SGCZ: variants seen among roughly 807,000 people sequenced by gnomAD.
SGCZ encodes the protein zeta-sarcoglycan.
In SGCZ, 40 loss-of-function variants were observed where a neutral mutation model predicts 41.3. The observed-to-expected ratio is 0.97, with a 90% CI of 0.75 to 1.26. SGCZ has a LOEUF of 1.26. Among genes scored for constraint, SGCZ ranks in the 50% most tolerant of loss-of-function variants. The probability of loss-of-function intolerance (pLI) is 0.00; values close to 1 mark genes in which losing one functional copy is unlikely to be tolerated. For missense variants in SGCZ, 552 were observed against 369.8 expected, an observed-to-expected ratio of 1.49 and a Z score of -4.04; for synonymous variants, 206 against 137.5, an observed-to-expected ratio of 1.50 and a Z score of -3.49.
intron 3 of SGCZ, among the ~76,000 whole-genome samples, chr8:14,290,114 T>G (rs1378664500): frequency 6.6e-6 from 1 of 151,962 alleles, no homozygotes; most frequent in Non-Finnish European, 1.5e-5. Context: ...TGAGATGAGG[T>G]TTGGGTGGTG....
chr8:14,888,440 T>C (rs1804892096), intron 1 of SGCZ, among the ~76,000 whole-genome samples: 1 of 152,048 alleles, frequency 6.6e-6, no homozygotes, highest in Admixed American at 6.5e-5. Flanking sequence ...AATTGCCTGA[T>C]CAAAGCAATG....
At chr8:14,311,071 T>C (rs762841995) in intron 3 of SGCZ, among the ~76,000 whole-genome samples, 6 of 152,154 alleles carry the variant, frequency 3.9e-5, no homozygotes, top group Non-Finnish European at 8.8e-5. Context: ...ATGTCTTTTA[T>C]AAATAATTTT....
chr8:14,971,075 G>T (rs533325602), intron 1 of SGCZ, among the ~76,000 whole-genome samples: 4 of 151,816 alleles, frequency 2.6e-5, no homozygotes, highest in African/African-American at 9.7e-5. Context: ...TCAATTGCTT[G>T]TTGCTAGTTT....
chr8:14,530,914 G>A (rs1042216282), intron 2 of SGCZ, among the ~76,000 whole-genome samples: 1 of 152,036 alleles, frequency 6.6e-6, no homozygotes, highest in Non-Finnish European at 1.5e-5. Context: ...TAATAGGTAA[G>A]TGAGGCTCTA....
chr8:14,263,937 A>G (rs1018306141), intron 3 of SGCZ, among the ~76,000 whole-genome samples: 1 of 152,216 alleles, frequency 6.6e-6, no homozygotes, highest in Non-Finnish European at 1.5e-5. Flanking sequence ...GGTGAAACCC[A>G]GCATGAAGCC....
intron 2 of SGCZ, among the ~76,000 whole-genome samples, chr8:14,417,550 T>G (rs915616458): frequency 6.6e-6 from 1 of 151,896 alleles, no homozygotes; most frequent in African/African-American, 2.4e-5. Context: ...TAATCATTAT[T>G]TCCCCCCCTT....
chr8:15,205,664 G>T (rs2117145563), intron 1 of SGCZ, among the ~76,000 whole-genome samples: 1 of 152,158 alleles, frequency 6.6e-6, no homozygotes, highest in African/African-American at 2.4e-5. Flanking sequence ...ACTGTTGGTG[G>T]GAATGTAAAT....
chr8:14,309,040 C>T, intron 3 of SGCZ: 7 of 1,289,172 alleles, frequency 5.4e-6, no homozygotes, highest in East Asian at 2.3e-5. Flanking sequence ...AACCGGAAGC[C>T]TCCCCTACTC....
At chr8:14,183,285 C>T (rs1804789802) in intron 4 of SGCZ, among the ~76,000 whole-genome samples, 1 of 104,170 alleles carries the variant, frequency 9.6e-6, no homozygotes, top group Non-Finnish European at 2.0e-5. Context: ...AAAATTTTTA[C>T]ATGTACACAC....
In SGCZ at chr8:14,318,480, C is replaced by A. The variant is rs146339348; in HGVS notation, c.336+5623G>T. On this transcript the variant is annotated intron_variant, in intron 3 of 7. Transcript: ENST00000382080. ...CCATGAATCCCTACCCAAACCTAAC[C>A]CATATCTCCAGAAACATATTAATGA... Among the ~76,000 whole-genome samples the A allele has an allele frequency of 1.3e-3, 197 of 152,002 alleles. 1 individual carries two copies. Among genetic ancestry groups the A allele is most frequent in the African/African-American group, 4.6e-3 (192 of 41,516 alleles).
intron 1 of SGCZ, among the ~76,000 whole-genome samples, chr8:14,937,350 T>G (rs1253236757): frequency 6.6e-6 from 1 of 152,072 alleles, no homozygotes. Context: ...AAAACTGAAT[T>G]CTTATGAACA....
intron 1 of SGCZ, among the ~76,000 whole-genome samples, chr8:14,797,888 T>C (rs1214340349): frequency 6.6e-6 from 1 of 152,228 alleles, no homozygotes; most frequent in East Asian, 1.9e-4. Flanking sequence ...CCCCAAGCCT[T>C]GGCAGTTTAC....
At chr8:14,309,127 T>G (rs1032268951) in intron 3 of SGCZ, 1 of 1,465,390 alleles carries the variant, frequency 6.8e-7, no homozygotes, top group African/African-American at 1.4e-5. Context: ...ATATTAAACA[T>G]CCCCTACAGA....
intron 2 of SGCZ, among the ~76,000 whole-genome samples, chr8:14,428,547 A>G (rs950031488): frequency 6.6e-6 from 1 of 152,364 alleles, no homozygotes; most frequent in African/African-American, 2.4e-5. Context: ...GGTTATGACC[A>G]TCATATCATT....
At chr8:14,579,510 T>C (rs1320017218) in intron 1 of SGCZ, among the ~76,000 whole-genome samples, 2 of 152,236 alleles carry the variant, frequency 1.3e-5, no homozygotes, top group African/African-American at 4.8e-5. Context: ...ATGACTTCCC[T>C]GATTCTTTAC....
At chr8:14,268,192 G>T (rs565333718) in intron 3 of SGCZ, among the ~76,000 whole-genome samples, 1 of 148,964 alleles carries the variant, frequency 6.7e-6, no homozygotes, top group Admixed American at 6.7e-5. Context: ...CTGGGAATAC[G>T]GTAGACTATA....
At chr8:14,516,703 C>T (rs1802631914) in intron 2 of SGCZ, among the ~76,000 whole-genome samples, 1 of 151,968 alleles carries the variant, frequency 6.6e-6, no homozygotes, top group South Asian at 2.1e-4. Flanking sequence ...GTGAGTTTTT[C>T]TTGTTCACCG....
intron 4 of SGCZ, among the ~76,000 whole-genome samples, chr8:14,177,675 A>ATTTTT (rs1193141913): frequency 1.5e-4 from 17 of 111,322 alleles, no homozygotes; most frequent in Non-Finnish European, 2.0e-4. Flanking sequence ...ACGCCCTGCT[A>ATTTTT]TTTTTTTTTT....
intron 1 of SGCZ, among the ~76,000 whole-genome samples, chr8:14,821,311 A>G (rs775853239): frequency 5.3e-5 from 8 of 152,162 alleles, no homozygotes; most frequent in East Asian, 1.9e-4. Context: ...GAGAGAGGTA[A>G]TTGAGTCAGT....
Sources: gnomAD v4.1 joint callset for allele counts (sites outside exome capture counted in the v4.1 genomes callset) on GRCh38, gnomAD v4.1.1 for gene constraint, MANE v1.5 for transcripts, NCBI Gene and HGNC (gene_info 2026-07-23, HGNC 2026-07-21) for gene names.